GPAT4: variants seen among roughly 807,000 people sequenced by gnomAD.
The protein encoded by GPAT4 is glycerol-3-phosphate acyltransferase 4.
In GPAT4, 17 loss-of-function variants were observed where a neutral mutation model predicts 58.0. That is an observed-to-expected ratio of 0.29 (90% CI 0.20 to 0.44). GPAT4 has a LOEUF of 0.44. GPAT4 is among the 20% of genes least tolerant of loss of function. The pLI is 1.00. For missense variants in GPAT4, 377 were observed against 574.5 expected (o/e 0.66, Z 3.51); for synonymous variants, 204 against 210.1 (o/e 0.97, Z 0.25).
At chr8:41,579,934 T>C (rs957409455) in intron 1 of GPAT4, among the ~76,000 whole-genome samples, 6 of 152,008 alleles carry the variant, frequency 3.9e-5, no homozygotes, top group African/African-American at 1.4e-4. Context: ...CCCTTGGAGG[T>C]CCAGAGAAGT....
At chr8:41,580,050 T>C (rs1411475479) in intron 1 of GPAT4, among the ~76,000 whole-genome samples, 1 of 152,078 alleles carries the variant, frequency 6.6e-6, no homozygotes, top group East Asian at 1.9e-4. Context: ...GAAAGAGAAA[T>C]GGTGTAGGAA....
At position 41,598,448 on chromosome 8, in the gene GPAT4, T is replaced by A. The variant is rs984837548; in HGVS notation, c.-692T>A. On this transcript the variant is annotated 5_prime_UTR_variant, in exon 2 of 13. Transcript: ENST00000396987. The stretch of plus-strand genomic sequence containing the variant: ...GAGACATTGTGTGCCAGCATCTCTT[T>A]CCTTCTGGCAAAGACTGTAGCTCTC... The A allele has an allele frequency of 6.6e-6, 1 of 152,218 alleles. No homozygotes were observed. The highest frequency in any genetic ancestry group is 2.4e-5 in the African/African-American group (1 of 41,454). 9.4% of individuals were successfully genotyped at this position (152,218 alleles called of 1,614,324 possible). A position where few individuals can be genotyped will look rare whatever the true frequency, so the allele number is the denominator to read the frequency against.
At chr8:41,596,748 T>G (rs1802945322) in intron 1 of GPAT4, among the ~76,000 whole-genome samples, 2 of 152,170 alleles carry the variant, frequency 1.3e-5, no homozygotes, top group Non-Finnish European at 2.9e-5. Context: ...TTGTTTCCAG[T>G]CAGGGAACCA....
At chr8:41,603,850 A>G (rs1339582610) in intron 2 of GPAT4, among the ~76,000 whole-genome samples, 1 of 152,130 alleles carries the variant, frequency 6.6e-6, no homozygotes, top group East Asian at 1.9e-4. Context: ...CAGCCACCCC[A>G]CACTGGAGGG....
intron 7 of GPAT4, among the ~76,000 whole-genome samples, chr8:41,612,593 G>T (rs1052006106): frequency 3.9e-5 from 6 of 152,176 alleles, no homozygotes; most frequent in African/African-American, 1.4e-4. Context: ...CGCTACTTTA[G>T]TATTTTAGTA....
At chr8:41,603,586 T>A (rs115277884) in intron 2 of GPAT4, among the ~76,000 whole-genome samples, 2,858 of 147,148 alleles carry the variant, frequency 0.019, 70 homozygotes, top group African/African-American at 0.065. Context: ...CTGATCTGGG[T>A]AGGCGTTTTT....
chr8:41,614,634 A>G (rs1803543381), intron 9 of GPAT4, among the ~76,000 whole-genome samples, 193 bp downstream of exon 9: 1 of 152,234 alleles, frequency 6.6e-6, no homozygotes, highest in Non-Finnish European at 1.5e-5. Context: ...AGAATGCCAT[A>G]GTGTGAACTC....
rs536813380 is a variant in GPAT4, at chr8:41,615,256, G to A, written c.1053+208G>A. On this transcript the variant is annotated intron_variant, in intron 10 of 12. Coordinates refer to ENST00000396987, the MANE Select transcript of GPAT4 (RefSeq NM_178819.4). ...CCCTTAGAAGGGCCTGGGGAGTGTG[G>A]AATGGGGGACAGCCAGATTCCCGCC... is the stretch of plus-strand genomic sequence containing the variant. 9.8e-5 allele frequency among the ~76,000 whole-genome samples: 15 copies of A among 152,334 alleles called. No homozygotes were observed. In the South Asian group the frequency reaches 2.7e-3, roughly 27 times the overall value.
chr8:41,621,056 G>A lies in GPAT4; in HGVS notation c.*55G>A. The stretch of plus-strand genomic sequence containing the variant: ...GCGGGGTGCCAACGGGCTCAGAGCT[G>A]GAGTTGCCGCCGCCGCCCCCACTGC... On this transcript the variant is annotated 3_prime_UTR_variant, in exon 13 of 13. Transcript: ENST00000396987. The A allele has an allele frequency of 6.5e-7, 1 of 1,546,918 alleles. No individual in the cohort carries two copies. Among genetic ancestry groups the A allele is most frequent in the South Asian group, 1.2e-5 (1 of 83,810 alleles).
intron 1 of GPAT4, among the ~76,000 whole-genome samples, chr8:41,594,546 C>CTTTTTT (rs35439986): frequency 1.5e-5 from 2 of 133,558 alleles, no homozygotes; most frequent in African/African-American, 2.8e-5. Flanking sequence ...TTATTACAAA[C>CTTTTTT]TTTTTTTTTT....
At chr8:41,601,143 G>C (rs574740107) in intron 2 of GPAT4, among the ~76,000 whole-genome samples, 262 of 152,046 alleles carry the variant, frequency 1.7e-3, no homozygotes, top group African/African-American at 6.2e-3. Flanking sequence ...CATTGCTTAA[G>C]GATGGACTTG....
At chr8:41,619,004 C>T (rs777969690) in intron 12 of GPAT4, 27 bp downstream of exon 12, 9 of 1,612,780 alleles carry the variant, frequency 5.6e-6, no homozygotes, top group African/African-American at 2.7e-5. Flanking sequence ...GCCTTTTCAG[C>T]TGAGTTTCTG....
At chr8:41,597,910 C>T (rs557888778) in intron 1 of GPAT4, among the ~76,000 whole-genome samples, 1 of 152,358 alleles carries the variant, frequency 6.6e-6, no homozygotes, top group Non-Finnish European at 1.5e-5. Flanking sequence ...GGGAAGAATA[C>T]AAAGGTGGTT....
chr8:41,623,196 C>T lies in GPAT4; in HGVS notation c.*2195C>T, dbSNP rs992487657. The T allele has an allele frequency of 1.3e-5, 2 of 152,216 alleles. No individual in the cohort carries two copies. The highest frequency in any genetic ancestry group is 2.9e-5 in the Non-Finnish European group (2 of 68,078). The allele number at this position is 152,216 out of a possible 1,614,324, so 9.4% of individuals were successfully genotyped here. On this transcript the variant is annotated 3_prime_UTR_variant, in exon 13 of 13. Transcript: ENST00000396987. ...GAGCACTGATTCACGCCTGCAGAAA[C>T]GTAACCTCCCCTTTCCGTGTATGCC...
chr8:41,609,050 G>A (rs541597786), intron 2 of GPAT4, among the ~76,000 whole-genome samples: 19 of 152,326 alleles, frequency 1.2e-4, no homozygotes, highest in South Asian at 2.1e-4. Flanking sequence ...ACCTGGCTTC[G>A]CTGTTTTGAG....
At chr8:41,619,001 CA>C (rs760592168) in intron 12 of GPAT4, 24 bp downstream of exon 12, 2 of 1,613,530 alleles carry the variant, frequency 1.2e-6, no homozygotes, top group Non-Finnish European at 1.7e-6. Context: ...CAGGCCTTTT[CA>C]GCTGAGTTTC....
chr8:41,587,818 T>G (rs968886948), intron 1 of GPAT4, among the ~76,000 whole-genome samples: 4 of 152,222 alleles, frequency 2.6e-5, no homozygotes, highest in Admixed American at 2.0e-4. Context: ...TTACATACAT[T>G]TAAAATTTTG....
chr8:41,607,817 C>T (rs965157908), intron 2 of GPAT4, among the ~76,000 whole-genome samples: 1 of 152,168 alleles, frequency 6.6e-6, no homozygotes, highest in Non-Finnish European at 1.5e-5. Flanking sequence ...GCATGAGCCC[C>T]ACTGCGTCTG....
chr8:41,619,044 AC>A, intron 12 of GPAT4, 67 bp downstream of exon 12: 1 of 1,554,716 alleles, frequency 6.4e-7, no homozygotes, highest in Non-Finnish European at 8.9e-7. Context: ...GACTTCACTT[AC>A]ATGTCATTCC....
Sources: gnomAD v4.1 joint callset for allele counts (sites outside exome capture counted in the v4.1 genomes callset) on GRCh38, gnomAD v4.1.1 for gene constraint, MANE v1.5 for transcripts, NCBI Gene and HGNC (gene_info 2026-07-23, HGNC 2026-07-21) for gene names.